TGM5: variants seen among roughly 807,000 people sequenced by gnomAD.
TGM5 encodes transglutaminase 5, also known as protein-glutamine gamma-glutamyltransferase 5.
Under a neutral mutation model 77.2 loss-of-function variants are expected in TGM5, and 69 were observed. The observed-to-expected ratio is 0.89, with a 90% confidence interval of 0.74 to 1.09. The LOEUF is 1.09. TGM5 is among the 50% of genes least tolerant of loss of function. The probability of loss-of-function intolerance (pLI) is 0.00; values close to 1 mark genes in which losing one functional copy is unlikely to be tolerated. For missense variants in TGM5, 842 were observed against 896.5 expected, an observed-to-expected ratio of 0.94 and a Z score of 0.78; for synonymous variants, 346 against 351.8, an observed-to-expected ratio of 0.98 and a Z score of 0.18.
rs1355877413 is a variant in TGM5 at position 43,233,291 on chromosome 15, G to C, written c.2063C>G (p.Pro688Arg). The change falls in exon 13 of 13, where the codon CCC becomes CGC. Residue 688 changes from proline (P) to arginine (R), a missense_variant. Physicochemically the swap from Pro to Arg is moderately radical, Grantham distance 103. This residue lies in a region of TGM5 where 27 missense variants were observed against 51.8 expected (regional missense o/e 0.52). Coordinates refer to ENST00000220420, the MANE Select transcript of TGM5 (RefSeq NM_201631.4). Reference protein sequence around the residue: ...HQASIILETVPFKSGQRQIQA... With the variant: ...HQASIILETVRFKSGQRQIQA... ...GATCTGCCTTTGTCCACTCTTGAAG[G>C]GGACGGTCTCCAGAATGATGCTTGC... The C allele has an allele frequency of 6.2e-7, 1 of 1,614,108 alleles. No individual in the cohort carries two copies. Among genetic ancestry groups the C allele is most frequent in the Non-Finnish European group, 8.5e-7 (1 of 1,180,038 alleles).
intron 6 of TGM5, among the ~76,000 whole-genome samples, chr15:43,251,853 G>A: frequency 6.6e-6 from 1 of 152,030 alleles, no homozygotes. Context: ...GTATTTTTTA[G>A]TTTTTCCTCT....
rs1425730294 is a variant in TGM5, at chr15:43,260,173, G to A, written c.315C>T (p.Cys105=). Residue 105 remains cysteine, a synonymous_variant, in exon 3 of 13, where the codon TGC becomes TGT. Coordinates refer to ENST00000220420, the MANE Select transcript of TGM5 (RefSeq NM_201631.4). Reference sequence around the variant, plus strand: ...GACCCACGGCCGCCGTGGGAGGAGCGCACAAGCTCACCTCTGTGGAGGTGG... The same window carrying A: ...GACCCACGGCCGCCGTGGGAGGAGCACACAAGCTCACCTCTGTGGAGGTGG... ...NGATSTEVSL[C]APPTAAVGRY... is the part of the protein sequence containing the mutation. 3 of 1,614,092 alleles carry A rather than the reference G, an allele frequency of 1.9e-6. No homozygotes were observed. Among genetic ancestry groups the A allele is most frequent in the Non-Finnish European group, 2.5e-6 (3 of 1,180,034 alleles).
At chr15:43,251,180 G>A (rs1259415457) in intron 6 of TGM5, among the ~76,000 whole-genome samples, 1 of 152,136 alleles carries the variant, frequency 6.6e-6, no homozygotes, top group East Asian at 1.9e-4. Flanking sequence ...GAGTCTCAAA[G>A]CTGTGGAATT....
chr15:43,258,865 G>T (rs2042763459), intron 3 of TGM5, among the ~76,000 whole-genome samples: 1 of 152,190 alleles, frequency 6.6e-6, no homozygotes, highest in African/African-American at 2.4e-5. Context: ...GAGAGAGAGA[G>T]AGAGAGAGAT....
intron 6 of TGM5, among the ~76,000 whole-genome samples, chr15:43,245,738 G>T (rs1043542851): frequency 6.6e-6 from 1 of 152,148 alleles, no homozygotes; most frequent in African/African-American, 2.4e-5. Flanking sequence ...TGGAAACAAG[G>T]ATATCAACCT....
intron 4 of TGM5, among the ~76,000 whole-genome samples, chr15:43,255,211 G>A (rs2042734843): frequency 6.6e-6 from 1 of 152,106 alleles, no homozygotes; most frequent in African/African-American, 2.4e-5. Context: ...GGGCATGCCT[G>A]TAGTCCCAGC....
rs1435957926 is a variant in TGM5, at chr15:43,252,793, C to T, written c.828G>A (p.Gly276=). ...TGACGGCAGCAAAGACCCAGCATTG[C>T]CCGTAGCGCACGGGCTGGCAGCCTG... ...NATGCQPVRY[G]QCWVFAAVMC... The change falls in exon 6 of 13, where the codon GGG becomes GGA. Residue 276 remains glycine, a synonymous_variant. Transcript: ENST00000220420. 1 of 1,614,054 alleles carries T rather than the reference C, an allele frequency of 6.2e-7. No individual in the cohort carries two copies. Among genetic ancestry groups the T allele is most frequent in the Non-Finnish European group, 8.5e-7 (1 of 1,180,032 alleles).
chr15:43,233,387 T>C, intron 12 of TGM5, 43 bp from the exon 13 acceptor site: 5 of 1,612,020 alleles, frequency 3.1e-6, no homozygotes, highest in Non-Finnish European at 4.2e-6. Flanking sequence ...AAAAGCATGA[T>C]AATGACCCTG....
At chr15:43,254,913 G>T (rs1247350369) in intron 4 of TGM5, among the ~76,000 whole-genome samples, 1 of 152,124 alleles carries the variant, frequency 6.6e-6, no homozygotes, top group Non-Finnish European at 1.5e-5. Context: ...TAAGTGACCT[G>T]TTTATGTGTC....
intron 6 of TGM5, among the ~76,000 whole-genome samples, chr15:43,244,224 A>G (rs2042656782): frequency 6.6e-6 from 1 of 152,166 alleles, no homozygotes; most frequent in African/African-American, 2.4e-5. Context: ...TGTCTGTCTT[A>G]CCTTGTCTGC....
Position 43,233,667 on chromosome 15 carries a change from C to T in TGM5, c.1896G>A (p.Val632=). Residue 632 remains valine (V), a synonymous_variant, in exon 12 of 13, where the codon GTG becomes GTA. Coordinates refer to ENST00000220420, the MANE Select transcript of TGM5 (RefSeq NM_201631.4). ...TCACCTGTATGGAGAGTGGCTGGTT[C>T]ACAACGGCTGCTCCTAGAACCTAAA... The part of the protein sequence containing the change: ...ITINVLGAAV[V]NQPLSIQVIF... 6.2e-7 allele frequency: 1 copy of T among 1,614,130 alleles called. No homozygotes were observed. Among genetic ancestry groups the T allele is most frequent in the South Asian group, 1.1e-5 (1 of 91,078 alleles).
In TGM5 at chr15:43,233,081, C is replaced by G; in HGVS notation, c.*110G>C. ...CACGTCATCCCCTCTGTGGCTCTTG[C>G]TGGAGCCCTGTGAAGCCTCTGTTGT... On this transcript the variant is annotated 3_prime_UTR_variant, in exon 13 of 13. Coordinates refer to ENST00000220420, the MANE Select transcript of TGM5 (RefSeq NM_201631.4). The G allele has an allele frequency of 7.3e-7, 1 of 1,370,618 alleles. No homozygotes were observed. The highest frequency in any genetic ancestry group is 1.3e-5 in the South Asian group (1 of 79,136). 84.9% of individuals were successfully genotyped at this position (1,370,618 alleles called of 1,614,324 possible). A position where few individuals can be genotyped will look rare whatever the true frequency, so the allele number is the denominator to read the frequency against.
At chr15:43,252,423 T>C (rs1389857174) in intron 6 of TGM5, among the ~76,000 whole-genome samples, 1 of 152,154 alleles carries the variant, frequency 6.6e-6, no homozygotes, top group Non-Finnish European at 1.5e-5. Context: ...GTTCAAGCAA[T>C]TCTCCTGCCT....
At chr15:43,256,770 A>C in intron 3 of TGM5, 84 bp from the exon 4 acceptor site, 2 of 1,070,696 alleles carry the variant, frequency 1.9e-6, no homozygotes, top group Non-Finnish European at 2.9e-6. Context: ...TCCCAGAGGA[A>C]ACGGTTCTGG....
intron 3 of TGM5, among the ~76,000 whole-genome samples, chr15:43,258,408 T>C (rs528617304): frequency 6.6e-6 from 1 of 152,180 alleles, no homozygotes; most frequent in Non-Finnish European, 1.5e-5. Flanking sequence ...AAAAATTATC[T>C]TTTTAAAGTT....
intron 3 of TGM5, among the ~76,000 whole-genome samples, chr15:43,258,408 T>A (rs528617304): frequency 2.6e-5 from 4 of 152,180 alleles, no homozygotes; most frequent in Non-Finnish European, 5.9e-5. Context: ...AAAAATTATC[T>A]TTTTAAAGTT....
intron 3 of TGM5, among the ~76,000 whole-genome samples, chr15:43,259,480 A>T (rs1412549429): frequency 6.6e-6 from 1 of 152,124 alleles, no homozygotes; most frequent in Non-Finnish European, 1.5e-5. Context: ...GGAGAATGGT[A>T]TGTATTACAT....
chr15:43,235,013 A>G, intron 10 of TGM5, 84 bp from the exon 11 acceptor site: 1 of 1,507,620 alleles, frequency 6.6e-7, no homozygotes, highest in South Asian at 1.1e-5. Flanking sequence ...TCTTCCACAG[A>G]GAAGAGAAAG....
At chr15:43,252,990 C>CA in intron 5 of TGM5, 54 bp from the exon 6 acceptor site, 2 of 1,589,640 alleles carry the variant, frequency 1.3e-6, no homozygotes, top group South Asian at 1.1e-5. Flanking sequence ...CTCAACATGC[C>CA]ATGTGTGGGC....
Sources: gnomAD v4.1 joint callset for allele counts (sites outside exome capture counted in the v4.1 genomes callset) on GRCh38, gnomAD v4.1.1 for gene constraint, gnomAD v4.1.1 regional missense constraint, MANE v1.5 for transcripts, NCBI Gene and HGNC (gene_info 2026-07-23, HGNC 2026-07-21) for gene names.